Variants in CFAP54 observed in about 807,000 individuals in gnomAD.
The protein encoded by CFAP54 is cilia and flagella associated protein 54, also known as cilia- and flagella-associated protein 54.
In CFAP54, 290 loss-of-function variants were observed where a neutral mutation model predicts 370.4. That is an observed-to-expected ratio of 0.78 (90% CI 0.71 to 0.86). CFAP54 has a LOEUF of 0.86. CFAP54 is among the 40% of genes least tolerant of loss of function. The probability of loss-of-function intolerance (pLI) is 0.00; values close to 1 mark genes in which losing one functional copy is unlikely to be tolerated. For missense variants in CFAP54, 3,399 were observed against 3,528.7 expected (o/e 0.96, Z 0.93); for synonymous variants, 1,206 against 1,236.5 (o/e 0.98, Z 0.52).
intron 24 of CFAP54, 126 bp downstream of exon 24, chr12:96,592,763 A>T (rs533915138): frequency 5.1e-5 from 18 of 349,744 alleles, no homozygotes; most frequent in African/African-American, 3.6e-4. Flanking sequence ...ACATTGTATG[A>T]TTATGCGACT....
intron 13 of CFAP54, chr12:96,538,745 G>T: frequency 2.1e-6 from 1 of 472,074 alleles, no homozygotes; most frequent in Non-Finnish European, 3.7e-6. Flanking sequence ...GGAGCGAAGA[G>T]GTGTTTCAGG....
intron 48 of CFAP54, among the ~76,000 whole-genome samples, chr12:96,715,538 G>T (rs1417029583): frequency 6.6e-6 from 1 of 152,120 alleles, no homozygotes; most frequent in Non-Finnish European, 1.5e-5. Flanking sequence ...GTTCTAGAAG[G>T]GGTGAAGTAT....
At chr12:96,841,449 G>A (rs1211861225) in intron 66 of CFAP54, among the ~76,000 whole-genome samples, 2 of 152,204 alleles carry the variant, frequency 1.3e-5, no homozygotes, top group African/African-American at 4.8e-5. Context: ...TTTCATCTTA[G>A]GAGGATGTTT....
chr12:96,631,151 T>C (rs1193133998), intron 32 of CFAP54, among the ~76,000 whole-genome samples: 1 of 151,996 alleles, frequency 6.6e-6, no homozygotes, highest in African/African-American at 2.4e-5. Flanking sequence ...TAGATATTAA[T>C]AGAACCAATT....
intron 66 of CFAP54, among the ~76,000 whole-genome samples, chr12:96,858,517 T>G (rs1181616309): frequency 1.3e-5 from 2 of 152,228 alleles, no homozygotes; most frequent in Non-Finnish European, 2.9e-5. Flanking sequence ...TGCCAATTTT[T>G]GCTTTTGTTG....
At chr12:96,565,925 G>A (rs1019626058) in intron 19 of CFAP54, among the ~76,000 whole-genome samples, 2 of 152,104 alleles carry the variant, frequency 1.3e-5, no homozygotes, top group African/African-American at 2.4e-5. Flanking sequence ...ATTGAATCAC[G>A]GGGGAGGTTT....
At chr12:96,718,904 G>A (rs1957716561) in intron 49 of CFAP54, among the ~76,000 whole-genome samples, 1 of 152,170 alleles carries the variant, frequency 6.6e-6, no homozygotes, top group African/African-American at 2.4e-5. Context: ...TGGGTGTGAT[G>A]GCGCATGCCT....
At chr12:96,528,463 T>C (rs2136375791) in intron 9 of CFAP54, among the ~76,000 whole-genome samples, 2 of 152,304 alleles carry the variant, frequency 1.3e-5, no homozygotes, top group Non-Finnish European at 2.9e-5. Context: ...ATAAAATGAG[T>C]TGAGAAGTAT....
At chr12:96,717,471 C>T (rs1957697095) in intron 48 of CFAP54, among the ~76,000 whole-genome samples, 3 of 152,126 alleles carry the variant, frequency 2.0e-5, no homozygotes, top group Admixed American at 2.0e-4. Context: ...TTGTACTTAA[C>T]AAACTTAATT....
In CFAP54 at chr12:96,787,133, T is replaced by C. The variant is rs17025914; in HGVS notation, c.8679+235T>C. 9.6e-3 allele frequency among the ~76,000 whole-genome samples: 1,455 copies of C among 152,312 alleles called. 57 individuals are homozygous for C. The East Asian group carries it at 0.1, about 11-fold the overall frequency. ...TTCTCATAAGTCTTTTAAAATGCCT[T>C]AGAAGTTTCTATATTCCTGCACAAA... On this transcript the variant is annotated intron_variant, in intron 62 of 67. Coordinates refer to ENST00000524981, the MANE Select transcript of CFAP54 (RefSeq NM_001306084.2).
intron 40 of CFAP54, 77 bp downstream of exon 40, chr12:96,679,829 C>T: frequency 7.1e-7 from 1 of 1,407,592 alleles, no homozygotes; most frequent in South Asian, 1.3e-5. Context: ...CTTCTGCCCT[C>T]TCATTCTTCC....
intron 35 of CFAP54, 122 bp from the exon 36 acceptor site, chr12:96,651,466 C>A (rs1266113683): frequency 2.7e-6 from 2 of 742,724 alleles, no homozygotes; most frequent in Non-Finnish European, 4.5e-6. Context: ...ATGTAAGTGA[C>A]CCTAACAAAT....
At chr12:96,693,238 A>G (rs1957404778) in intron 44 of CFAP54, among the ~76,000 whole-genome samples, 1 of 152,198 alleles carries the variant, frequency 6.6e-6, no homozygotes, top group African/African-American at 2.4e-5. Context: ...TTTTTTGTTG[A>G]TAGACAAATT....
chr12:96,521,827 A>T (rs1347310227), intron 6 of CFAP54, 30 bp from the exon 7 acceptor site: 1 of 1,407,860 alleles, frequency 7.1e-7, no homozygotes, highest in East Asian at 2.5e-5. Flanking sequence ...ATTCTGATTT[A>T]TGAATTAAAT....
At chr12:96,525,161 A>AT (rs11407103) in intron 8 of CFAP54, among the ~76,000 whole-genome samples, 53,928 of 149,718 alleles carry the variant, frequency 0.36, 10,484 homozygotes, top group Middle Eastern at 0.44. Context: ...ATTTGTTTAA[A>AT]TTTTTTTTTT....
chr12:96,618,461 A>G (rs1956447336), intron 26 of CFAP54, among the ~76,000 whole-genome samples: 1 of 152,072 alleles, frequency 6.6e-6, no homozygotes, highest in South Asian at 2.1e-4. Context: ...TCAAGGAGGG[A>G]AGGGTGGTTG....
chr12:96,567,254 A>G (rs1413739539), intron 19 of CFAP54, among the ~76,000 whole-genome samples: 1 of 152,192 alleles, frequency 6.6e-6, no homozygotes, highest in Non-Finnish European at 1.5e-5. Flanking sequence ...TAGATGCAAT[A>G]AGGGTAGGAG....
intron 1 of CFAP54, among the ~76,000 whole-genome samples, chr12:96,498,281 A>G (rs1565874870): frequency 6.6e-6 from 1 of 152,260 alleles, no homozygotes; most frequent in Non-Finnish European, 1.5e-5. Context: ...ATGCCAAAAA[A>G]TGAATCTAGA....
At chr12:96,677,185 T>A (rs1022269499) in intron 39 of CFAP54, among the ~76,000 whole-genome samples, 23 of 151,628 alleles carry the variant, frequency 1.5e-4, no homozygotes, top group East Asian at 7.8e-4. Flanking sequence ...TTTATTTTAT[T>A]TTTTTTGTAG....
Sources: allele counts gnomAD v4.1 joint callset (sites outside exome capture counted in the v4.1 genomes callset), GRCh38; gene constraint gnomAD v4.1.1; transcripts MANE v1.5; gene names NCBI Gene and HGNC (gene_info 2026-07-23, HGNC 2026-07-21).